Variants in GRM1 observed in about 807,000 individuals in gnomAD.
The protein encoded by GRM1 is metabotropic glutamate receptor 1.
GRM1 carries 33 observed loss-of-function variants against 90.9 expected under a neutral mutation model. The observed-to-expected ratio is 0.36, with a 90% CI of 0.28 to 0.49. The LOEUF (loss-of-function observed/expected upper bound fraction) is 0.49. Ranked by LOEUF, GRM1 falls within the 20% of genes least tolerant of loss-of-function variation. GRM1 has a pLI of 0.99. For synonymous variants in GRM1, 700 were observed against 613.2 expected, an observed-to-expected ratio of 1.14 and a Z score of -2.09; for missense variants, 1,190 against 1,534.3, an observed-to-expected ratio of 0.78 and a Z score of 3.75.
chr6:146,348,088 C>T (rs1223961146), intron 3 of GRM1, among the ~76,000 whole-genome samples: 2 of 152,160 alleles, frequency 1.3e-5, no homozygotes, highest in Non-Finnish European at 2.9e-5. Context: ...TAATGATATC[C>T]TAGTGGTCCC....
intron 1 of GRM1, among the ~76,000 whole-genome samples, chr6:146,037,405 A>G (rs137917135): frequency 6.7e-4 from 102 of 152,134 alleles, no homozygotes; most frequent in Non-Finnish European, 1.3e-3. Context: ...GACTTGCTCA[A>G]GATCATAAAA....
At chr6:146,424,299 A>G (rs1470159677) in intron 7 of GRM1, among the ~76,000 whole-genome samples, 2 of 152,232 alleles carry the variant, frequency 1.3e-5, no homozygotes, top group African/African-American at 2.4e-5. Context: ...AGTACAGGGC[A>G]CATATATCAG....
intron 2 of GRM1, among the ~76,000 whole-genome samples, chr6:146,224,387 T>C (rs1440571095): frequency 6.6e-6 from 1 of 152,154 alleles, no homozygotes; most frequent in East Asian, 1.9e-4. Flanking sequence ...TACAACTTGC[T>C]AAATTAGTTC....
intron 2 of GRM1, among the ~76,000 whole-genome samples, chr6:146,160,942 A>G (rs1777701743): frequency 6.6e-6 from 1 of 152,194 alleles, no homozygotes; most frequent in Non-Finnish European, 1.5e-5. Context: ...AACATGGTGC[A>G]GTTTTTGGAA....
At chr6:146,176,809 C>T (rs998939585) in intron 2 of GRM1, among the ~76,000 whole-genome samples, 1 of 151,926 alleles carries the variant, frequency 6.6e-6, no homozygotes, top group Non-Finnish European at 1.5e-5. Context: ...GATAATTACT[C>T]ATAGAATAAT....
At chr6:146,128,074 T>C (rs186436934) in intron 1 of GRM1, among the ~76,000 whole-genome samples, 1 of 152,238 alleles carries the variant, frequency 6.6e-6, no homozygotes, top group East Asian at 1.9e-4. Context: ...GGCTTCCTCC[T>C]AGCATGGTGG....
At position 146,398,747 on chromosome 6, in the gene GRM1, C is replaced by A. The variant is rs362856; in HGVS notation, c.1730-22C>A. 104,099 of 1,543,912 alleles carry A rather than the reference C, an allele frequency of 0.067. 10,125 individuals are homozygous for A. Among genetic ancestry groups the A allele is most frequent in the African/African-American group, 0.4 (29,678 of 73,652 alleles). ...CTAGCAGAAACCTTGGATTCATGCT[C>A]AAATGATTTTTCTCATCACAGGCTG... On this transcript the variant is annotated intron_variant, in intron 6 of 7. Transcript: ENST00000282753.
chr6:146,058,846 C>T (rs1163113467), intron 1 of GRM1, among the ~76,000 whole-genome samples: 2 of 152,076 alleles, frequency 1.3e-5, no homozygotes, highest in African/African-American at 2.4e-5. Context: ...TTAGTTCATC[C>T]AGAAGAAGTA....
intron 1 of GRM1, among the ~76,000 whole-genome samples, chr6:146,083,312 G>C (rs1393547620): frequency 6.6e-6 from 1 of 152,072 alleles, no homozygotes; most frequent in East Asian, 1.9e-4. Context: ...TCTTGTACTG[G>C]TTTTCAAAGG....
chr6:146,354,841 A>G (rs1785528096), intron 4 of GRM1, among the ~76,000 whole-genome samples: 1 of 152,198 alleles, frequency 6.6e-6, no homozygotes, highest in African/African-American at 2.4e-5. Flanking sequence ...AGTGTTCAGT[A>G]ATACACACAG....
chr6:146,362,635 C>T (rs1583388144), intron 5 of GRM1, among the ~76,000 whole-genome samples: 2 of 132,080 alleles, frequency 1.5e-5, no homozygotes, highest in Non-Finnish European at 3.1e-5. Flanking sequence ...GCCGAGATAG[C>T]GCCTAGGTGA....
chr6:146,158,014 C>T (rs889613054), intron 1 of GRM1, among the ~76,000 whole-genome samples: 1 of 152,082 alleles, frequency 6.6e-6, no homozygotes, highest in Admixed American at 6.6e-5. Flanking sequence ...TTTATTCCTT[C>T]TGTAAGAAAA....
chr6:146,140,582 T>C (rs556808739), intron 1 of GRM1, among the ~76,000 whole-genome samples: 17 of 152,316 alleles, frequency 1.1e-4, no homozygotes, highest in Admixed American at 5.2e-4. Context: ...TATATGTTTT[T>C]TGGTTTGAGG....
intron 1 of GRM1, among the ~76,000 whole-genome samples, chr6:146,101,892 T>G (rs955435913): frequency 1.3e-5 from 2 of 150,634 alleles, no homozygotes; most frequent in East Asian, 3.9e-4. Context: ...ATAATATGAG[T>G]GATAAAATTA....
chr6:146,192,382 C>G (rs1195210867), intron 2 of GRM1, among the ~76,000 whole-genome samples: 1 of 152,170 alleles, frequency 6.6e-6, no homozygotes, highest in African/African-American at 2.4e-5. Context: ...ATCTACACAG[C>G]TGGGTCAGAA....
intron 1 of GRM1, among the ~76,000 whole-genome samples, chr6:146,038,180 C>T (rs2128839341): frequency 6.6e-6 from 1 of 152,022 alleles, no homozygotes; most frequent in Non-Finnish European, 1.5e-5. Flanking sequence ...GAAAGGATGC[C>T]TTCTCTATGA....
intron 1 of GRM1, among the ~76,000 whole-genome samples, chr6:146,072,579 G>T (rs183748384): frequency 6.3e-4 from 96 of 152,058 alleles, no homozygotes; most frequent in African/African-American, 2.1e-3. Flanking sequence ...TATATTTAAG[G>T]TGTATGACAT....
At chr6:146,366,660 T>C (rs1243671784) in intron 5 of GRM1, among the ~76,000 whole-genome samples, 1 of 152,296 alleles carries the variant, frequency 6.6e-6, no homozygotes. Flanking sequence ...TTTCTGCAAA[T>C]AACAGGATTT....
At chr6:146,196,093 T>C (rs189416804) in intron 2 of GRM1, among the ~76,000 whole-genome samples, 2 of 152,276 alleles carry the variant, frequency 1.3e-5, no homozygotes, top group Admixed American at 1.3e-4. Flanking sequence ...AGAACAAGGC[T>C]GTTGTTGGTG....
Sources: allele counts gnomAD v4.1 joint callset (sites outside exome capture counted in the v4.1 genomes callset), GRCh38; gene constraint gnomAD v4.1.1; transcripts MANE v1.5; gene names NCBI Gene and HGNC (gene_info 2026-07-23, HGNC 2026-07-21).